The following CNTNAP2 variants were observed in gnomAD, a reference collection of about 807,000 sequenced individuals.
The protein encoded by CNTNAP2 is contactin associated protein 2.
In CNTNAP2, 98 loss-of-function variants were observed where a neutral mutation model predicts 155.2. That is an observed-to-expected ratio of 0.63 (90% CI 0.54 to 0.75). The LOEUF (loss-of-function observed/expected upper bound fraction) is 0.75. Ranked by LOEUF, CNTNAP2 falls within the 30% of genes least tolerant of loss-of-function variation. CNTNAP2 has a pLI of 0.00. For missense variants in CNTNAP2, 1,727 were observed against 1,688.1 expected, an observed-to-expected ratio of 1.02 and a Z score of -0.40; for synonymous variants, 651 against 631.2, an observed-to-expected ratio of 1.03 and a Z score of -0.47.
chr7:147,264,195 A>G (rs1290840777), intron 8 of CNTNAP2, among the ~76,000 whole-genome samples: 1 of 152,222 alleles, frequency 6.6e-6, no homozygotes, highest in East Asian at 1.9e-4. Flanking sequence ...TCAAAGAAAG[A>G]TACAATTATG....
At chr7:147,287,277 C>A (rs1353521132) in intron 8 of CNTNAP2, among the ~76,000 whole-genome samples, 2 of 151,866 alleles carry the variant, frequency 1.3e-5, no homozygotes, top group Non-Finnish European at 2.9e-5. Flanking sequence ...ATCCACCATC[C>A]CCCGGGAGAT....
chr7:147,890,515 A>G lies in CNTNAP2; in HGVS notation c.2099-13050A>G, dbSNP rs1411309183. On this transcript the variant is annotated intron_variant, in intron 13 of 23. Transcript: ENST00000361727. ...CTATGTATTTTTTAAAACTGAAATC[A>G]GTATGTCAAAGAGGTATCTGCATTC... Among the ~76,000 whole-genome samples the G allele has an allele frequency of 2.0e-5, 3 of 152,220 alleles. No homozygotes were observed. In the East Asian group the frequency reaches 5.8e-4, roughly 29 times the overall value.
intron 10 of CNTNAP2, among the ~76,000 whole-genome samples, chr7:147,468,692 C>T (rs1394647529): frequency 6.6e-6 from 1 of 152,190 alleles, no homozygotes; most frequent in Non-Finnish European, 1.5e-5. Context: ...TGAAAGTCAG[C>T]AGCCTGAGAC....
chr7:147,357,527 AT>A (rs149820729), intron 9 of CNTNAP2, among the ~76,000 whole-genome samples: 21 of 151,456 alleles, frequency 1.4e-4, no homozygotes, highest in African/African-American at 3.1e-4. Context: ...TATTTTAATA[AT>A]TTTTTTTTGC....
At chr7:147,027,879 T>A (rs1439134195) in intron 3 of CNTNAP2, among the ~76,000 whole-genome samples, 1 of 152,124 alleles carries the variant, frequency 6.6e-6, no homozygotes, top group African/African-American at 2.4e-5. Context: ...CATCAGCAAA[T>A]GGTGTGGGTG....
rs74392499 is a variant in CNTNAP2 at position 148,167,029 on chromosome 7, C to G, written c.2774-5213C>G. 7.5e-3 allele frequency among the ~76,000 whole-genome samples: 1,141 copies of G among 152,264 alleles called. 15 individuals are homozygous for G. Among genetic ancestry groups the G allele is most frequent in the African/African-American group, 0.025 (1,059 of 41,562 alleles). The stretch of plus-strand genomic sequence containing the variant: ...CTGTCCCATTTAAATAAATCAGGGA[C>G]TACCTAAGCAAGAAAAGAGCCTAAT... On this transcript the variant is annotated intron_variant, in intron 17 of 23. Transcript: ENST00000361727.
chr7:146,519,280 C>G (rs2129136962), intron 1 of CNTNAP2, among the ~76,000 whole-genome samples: 1 of 151,880 alleles, frequency 6.6e-6, no homozygotes, highest in African/African-American at 2.4e-5. Context: ...GGCCTCTAAT[C>G]CTGGTATTAG....
rs903627305 is a variant in CNTNAP2, at chr7:146,203,967, A to G, written c.97+86994A>G. 1.1e-4 allele frequency among the ~76,000 whole-genome samples: 16 copies of G among 152,274 alleles called. No individual in the cohort carries two copies. The Middle Eastern group carries it at 0.014, about 129-fold the overall frequency. On this transcript the variant is annotated intron_variant, in intron 1 of 23. Coordinates refer to ENST00000361727, the MANE Select transcript of CNTNAP2 (RefSeq NM_014141.6). The stretch of plus-strand genomic sequence containing the variant: ...GGGAATCCTTTAATTCGTAAATTAT[A>G]TACTGTACCTTTACTACATATATGA...
At chr7:147,514,540 C>T (rs1410543695) in intron 11 of CNTNAP2, among the ~76,000 whole-genome samples, 2 of 151,060 alleles carry the variant, frequency 1.3e-5, no homozygotes, top group East Asian at 1.9e-4. Context: ...AGGCACATGC[C>T]CAAGGGAATG....
Position 146,861,532 on chromosome 7 carries a change from A to G in CNTNAP2, c.402+21628A>G, listed in dbSNP as rs1795100900. 2.0e-5 allele frequency among the ~76,000 whole-genome samples: 3 copies of G among 152,120 alleles called. No homozygotes were observed. The East Asian group carries it at 5.8e-4, about 29-fold the overall frequency. ...ATTTCTATTAATCTGACACTTAGAGATTGTGAATCCAATTCACAATCCAAG... is the reference window on the plus strand; with the variant it reads ...ATTTCTATTAATCTGACACTTAGAGGTTGTGAATCCAATTCACAATCCAAG... On this transcript the variant is annotated intron_variant, in intron 3 of 23. Transcript: ENST00000361727.
intron 9 of CNTNAP2, among the ~76,000 whole-genome samples, chr7:147,350,954 T>C (rs1040620034): frequency 2.6e-5 from 4 of 150,948 alleles, no homozygotes; most frequent in Non-Finnish European, 5.9e-5. Context: ...AATATGATCA[T>C]TTTCATTTGG....
chr7:146,585,331 A>G (rs1798672857), intron 1 of CNTNAP2, among the ~76,000 whole-genome samples: 2 of 151,952 alleles, frequency 1.3e-5, no homozygotes, highest in Admixed American at 1.3e-4. Context: ...CATGTTGTCC[A>G]GGAGGGTTTC....
chr7:147,749,005 T>G (rs1584936111), intron 13 of CNTNAP2, among the ~76,000 whole-genome samples: 1 of 152,244 alleles, frequency 6.6e-6, no homozygotes, highest in East Asian at 1.9e-4. Flanking sequence ...TTTTAGGTTC[T>G]GAGATCTCTG....
At chr7:148,144,122 C>A (rs1217883692) in intron 16 of CNTNAP2, among the ~76,000 whole-genome samples, 3 of 152,170 alleles carry the variant, frequency 2.0e-5, no homozygotes, top group Non-Finnish European at 2.9e-5. Flanking sequence ...GGGTCTCTTC[C>A]ACTTTTGCCT....
At chr7:146,117,162 A>G (rs1425820997) in intron 1 of CNTNAP2, 189 bp downstream of exon 1, 4 of 598,960 alleles carry the variant, frequency 6.7e-6, no homozygotes, top group South Asian at 2.0e-5. Context: ...TGGAAGAGAC[A>G]GGGTTGTGAC....
At chr7:147,898,170 A>G (rs1799804291) in intron 13 of CNTNAP2, among the ~76,000 whole-genome samples, 3 of 152,358 alleles carry the variant, frequency 2.0e-5, no homozygotes, top group Middle Eastern at 3.4e-3. Flanking sequence ...TTGGAGGGAG[A>G]GAATACCTGA....
intron 1 of CNTNAP2, among the ~76,000 whole-genome samples, chr7:146,593,074 C>G (rs1411964462): frequency 2.0e-5 from 3 of 151,878 alleles, no homozygotes; most frequent in Non-Finnish European, 4.4e-5. Context: ...CAAGACTGCT[C>G]CCTTCCACAG....
At chr7:146,638,458 T>C (rs1799636444) in intron 1 of CNTNAP2, among the ~76,000 whole-genome samples, 1 of 149,328 alleles carries the variant, frequency 6.7e-6, no homozygotes, top group African/African-American at 2.5e-5. Flanking sequence ...TAAAACAGTT[T>C]AATACAGTCA....
chr7:147,294,923 G>C (rs1214486442), intron 8 of CNTNAP2, among the ~76,000 whole-genome samples: 1 of 152,046 alleles, frequency 6.6e-6, no homozygotes, highest in Admixed American at 6.5e-5. Context: ...GCCTCCCATA[G>C]TGCTGGGATT....
Sources: gnomAD v4.1 joint callset for allele counts (sites outside exome capture counted in the v4.1 genomes callset) on GRCh38, gnomAD v4.1.1 for gene constraint, MANE v1.5 for transcripts, NCBI Gene and HGNC (gene_info 2026-07-23, HGNC 2026-07-21) for gene names.